The following SCUBE1 variants were observed in gnomAD, a reference collection of about 807,000 sequenced individuals.
SCUBE1 encodes signal peptide, CUB domain and EGF like domain containing 1, also known as signal peptide, CUB and EGF-like domain-containing protein 1.
A neutral mutation model predicts 124.4 loss-of-function variants in SCUBE1; 59 were observed. The ratio of observed to expected loss-of-function variants is 0.47; its 90% CI spans 0.38 to 0.59. The LOEUF (loss-of-function observed/expected upper bound fraction) is 0.59, where lower values mean the gene tolerates loss of function less well. SCUBE1 is among the 20% of genes least tolerant of loss of function. SCUBE1 has a pLI of 0.00. For missense variants in SCUBE1, 1,150 were observed against 1,371.2 expected (o/e 0.84, Z 2.55); for synonymous variants, 545 against 550.9 (o/e 0.99, Z 0.15).
chr22:43,294,144 G>A (rs1369321748), intron 3 of SCUBE1, among the ~76,000 whole-genome samples: 1 of 152,248 alleles, frequency 6.6e-6, no homozygotes, highest in Non-Finnish European at 1.5e-5. Context: ...AAGCAGGTGG[G>A]AAGAGGGGGC....
At chr22:43,327,437 C>G (rs2413755) in intron 2 of SCUBE1, among the ~76,000 whole-genome samples, 100,515 of 152,098 alleles carry the variant, frequency 0.66, 34,198 homozygotes, top group African/African-American at 0.83. Context: ...TGAAGACTTG[C>G]GGGGTGGTAG....
At chr22:43,309,882 C>G (rs1225103803) in intron 3 of SCUBE1, among the ~76,000 whole-genome samples, 1 of 152,156 alleles carries the variant, frequency 6.6e-6, no homozygotes. Flanking sequence ...GTGAGTTCAA[C>G]GACCACTTCT....
intron 6 of SCUBE1, among the ~76,000 whole-genome samples, chr22:43,243,843 T>C (rs1569505336): frequency 6.6e-6 from 1 of 152,226 alleles, no homozygotes; most frequent in East Asian, 1.9e-4. Context: ...TGCTCTGCGA[T>C]TGGGTCCACA....
At chr22:43,253,135 C>T (rs1289421612) in intron 6 of SCUBE1, among the ~76,000 whole-genome samples, 4 of 152,090 alleles carry the variant, frequency 2.6e-5, no homozygotes, top group African/African-American at 4.8e-5. Context: ...AGGATGGGAA[C>T]GGTCACCTCC....
intron 2 of SCUBE1, among the ~76,000 whole-genome samples, chr22:43,322,149 AAT>A (rs1410473422): frequency 6.6e-6 from 1 of 151,962 alleles, no homozygotes; most frequent in African/African-American, 2.4e-5. Flanking sequence ...ATGCCCGGCT[AAT>A]TTTTTGTATT....
chr22:43,281,455 T>TTTGGCCACCCTCCTGTCACCTCC (rs1924856068), intron 4 of SCUBE1, among the ~76,000 whole-genome samples: 2 of 53,634 alleles, frequency 3.7e-5, no homozygotes, highest in East Asian at 6.5e-3. Flanking sequence ...TCCTGTCATC[T>TTTGGCCACCCTCCTGTCACCTCC]CCCTCAGCCA....
At chr22:43,244,940 AG>A (rs1923146960) in intron 6 of SCUBE1, among the ~76,000 whole-genome samples, 1 of 152,248 alleles carries the variant, frequency 6.6e-6, no homozygotes, top group Non-Finnish European at 1.5e-5. Context: ...TTCTGTCCCT[AG>A]AATCAACAGA....
intron 3 of SCUBE1, among the ~76,000 whole-genome samples, chr22:43,299,778 G>A (rs890404415): frequency 5.9e-5 from 9 of 152,086 alleles, no homozygotes; most frequent in African/African-American, 2.2e-4. Context: ...GCCCGTTTTC[G>A]GTTAGTCCCA....
chr22:43,323,182 T>C (rs895870249), intron 2 of SCUBE1, among the ~76,000 whole-genome samples: 3 of 152,246 alleles, frequency 2.0e-5, no homozygotes, highest in Admixed American at 1.3e-4. Context: ...ATCATCCAAA[T>C]ACCCATTTAC....
rs977014195 is a variant in SCUBE1, at chr22:43,234,217, G to A, written c.845-2342C>T. ...TAGAAGTCTCAGGTAGAAGAACAGA[G>A]GCCCATCTTGACTCTGCCTCAGTTG... On this transcript the variant is annotated intron_variant, in intron 7 of 21. Coordinates refer to ENST00000360835, the MANE Select transcript of SCUBE1 (RefSeq NM_173050.5). The surrounding 1 kb of genome is among the most constrained non-coding windows in gnomAD (Gnocchi z 4.4). 1.3e-5 allele frequency among the ~76,000 whole-genome samples: 2 copies of A among 152,156 alleles called. No individual in the cohort carries two copies. Among genetic ancestry groups the A allele is most frequent in the African/African-American group, 4.8e-5 (2 of 41,436 alleles).
intron 3 of SCUBE1, among the ~76,000 whole-genome samples, chr22:43,317,351 T>G (rs969055836): frequency 6.6e-6 from 1 of 152,206 alleles, no homozygotes; most frequent in Non-Finnish European, 1.5e-5. Flanking sequence ...CAGTTATCCC[T>G]GTTGGAGACT....
chr22:43,205,112 C>T (rs909427897), intron 21 of SCUBE1, among the ~76,000 whole-genome samples: 5 of 152,138 alleles, frequency 3.3e-5, no homozygotes, highest in African/African-American at 2.4e-5. Context: ...TCGGGAACAT[C>T]GCTTTGCTGC....
In SCUBE1 at chr22:43,257,076, G is replaced by A. The variant is rs542917162; in HGVS notation, c.727+1143C>T. 1.9e-4 allele frequency among the ~76,000 whole-genome samples: 29 copies of A among 152,352 alleles called. 2 individuals carry two copies. The South Asian group carries it at 5.8e-3, about 30-fold the overall frequency. ...GTTGTCTGAAAGAAGAGACCACACA[G>A]AGGAAGGGAGAGCCACCGCAGGCAG... On this transcript the variant is annotated intron_variant, in intron 6 of 21. Coordinates refer to ENST00000360835, the MANE Select transcript of SCUBE1 (RefSeq NM_173050.5).
At chr22:43,340,275 G>A (rs75460200) in intron 1 of SCUBE1, among the ~76,000 whole-genome samples, 2,401 of 152,008 alleles carry the variant, frequency 0.016, 70 homozygotes, top group African/African-American at 0.054. Context: ...CTCCCTCCTC[G>A]GAAATCCACA....
At chr22:43,309,146 T>C (rs1926084540) in intron 3 of SCUBE1, among the ~76,000 whole-genome samples, 2 of 152,152 alleles carry the variant, frequency 1.3e-5, no homozygotes, top group African/African-American at 4.8e-5. Flanking sequence ...GCTCCAGGTA[T>C]ATCCATTTTC....
At chr22:43,285,433 G>T (rs1173727531) in intron 4 of SCUBE1, among the ~76,000 whole-genome samples, 1 of 152,178 alleles carries the variant, frequency 6.6e-6, no homozygotes, top group Non-Finnish European at 1.5e-5. Context: ...GAGATGTGGG[G>T]AACATAGTCC....
At chr22:43,315,846 C>T (rs982744298) in intron 3 of SCUBE1, among the ~76,000 whole-genome samples, 2 of 152,224 alleles carry the variant, frequency 1.3e-5, no homozygotes, top group South Asian at 2.1e-4. Flanking sequence ...AAGGCCCACA[C>T]AGACTCACTG....
At chr22:43,228,422 C>T (rs1922413204) in intron 9 of SCUBE1, among the ~76,000 whole-genome samples, 1 of 152,196 alleles carries the variant, frequency 6.6e-6, no homozygotes, top group African/African-American at 2.4e-5. Flanking sequence ...GTCACTGGGG[C>T]ATCTAGTTCC....
chr22:43,227,593 A>AC, intron 9 of SCUBE1, 97 bp from the exon 10 acceptor site: 1 of 1,486,840 alleles, frequency 6.7e-7, no homozygotes, highest in Admixed American at 1.8e-5. Flanking sequence ...GAATCTCCTG[A>AC]CCCCACCGAG....
Sources: allele counts gnomAD v4.1 joint callset (sites outside exome capture counted in the v4.1 genomes callset), GRCh38; gene constraint gnomAD v4.1.1; non-coding constraint Gnocchi (gnomAD v3.1); transcripts MANE v1.5; gene names NCBI Gene and HGNC (gene_info 2026-07-23, HGNC 2026-07-21).